Variants in RARB observed in about 807,000 individuals in gnomAD.
RARB encodes HBV-activated protein.
In RARB, 17 loss-of-function variants were observed where a neutral mutation model predicts 51.9. That is an observed-to-expected ratio of 0.33 (90% confidence interval 0.22 to 0.49). RARB has a LOEUF of 0.49. Ranked by LOEUF, RARB falls within the 20% of genes least tolerant of loss-of-function variation. RARB has a pLI of 0.99. For synonymous variants in RARB, 215 were observed against 195.4 expected (o/e 1.10, Z -0.84); for missense variants, 369 against 550.8 (o/e 0.67, Z 3.30).
intron 5 of RARB, among the ~76,000 whole-genome samples, chr3:25,344,265 A>C (rs78063326): frequency 0.042 from 6,356 of 152,172 alleles, 159 homozygotes; most frequent in Middle Eastern, 0.061. Context: ...CGTATGAAAA[A>C]ATTTGGTGCT....
chr3:24,993,487 C>A (rs768521366), intron 2 of RARB, among the ~76,000 whole-genome samples: 3 of 152,038 alleles, frequency 2.0e-5, no homozygotes, highest in Admixed American at 1.3e-4. Flanking sequence ...ACATATGAAT[C>A]ACATTAGCAT....
At chr3:25,015,984 A>G (rs1043568715) in intron 2 of RARB, among the ~76,000 whole-genome samples, 1 of 152,210 alleles carries the variant, frequency 6.6e-6, no homozygotes, top group Non-Finnish European at 1.5e-5. Flanking sequence ...AACATTGTAC[A>G]AAAACTTGGA....
rs146637687 is a variant in RARB, at chr3:25,350,923, A to G, written c.179-110270A>G. On this transcript the variant is annotated intron_variant, in intron 5 of 11. Coordinates refer to the RARB transcript ENST00000383772. ...ATGGTGTCATTGTTTGGAGGTGTCAATGGACATCAATCATGGGGTTAGAGG... is the reference window on the plus strand; with the variant it reads ...ATGGTGTCATTGTTTGGAGGTGTCAGTGGACATCAATCATGGGGTTAGAGG... 3.2e-4 allele frequency among the ~76,000 whole-genome samples: 48 copies of G among 152,266 alleles called. No homozygotes were observed. In the East Asian group the frequency reaches 4.8e-3, roughly 15 times the overall value.
intron 5 of RARB, among the ~76,000 whole-genome samples, chr3:25,265,304 AT>A (rs1332937370): frequency 6.6e-6 from 1 of 152,170 alleles, no homozygotes; most frequent in Non-Finnish European, 1.5e-5. Flanking sequence ...AAAAGTTACA[AT>A]TTTTCGGTAC....
intron 2 of RARB, among the ~76,000 whole-genome samples, chr3:24,891,126 C>G (rs1442145751): frequency 6.6e-6 from 1 of 152,058 alleles, no homozygotes; most frequent in Non-Finnish European, 1.5e-5. Flanking sequence ...AAATGAAATC[C>G]CAAATGTAAA....
At chr3:25,140,597 G>C (rs1370060468) in intron 4 of RARB, among the ~76,000 whole-genome samples, 2 of 152,148 alleles carry the variant, frequency 1.3e-5, no homozygotes, top group African/African-American at 4.8e-5. Flanking sequence ...GAACATTGTT[G>C]AAATGACAAC....
chr3:25,408,085 T>C (rs376590899), intron 5 of RARB, among the ~76,000 whole-genome samples: 22 of 152,126 alleles, frequency 1.4e-4, no homozygotes, highest in Admixed American at 6.6e-4. Context: ...CTCAAAACCT[T>C]GTCTCAATGT....
At chr3:25,457,537 A>G (rs187811320) in intron 1 of RARB, among the ~76,000 whole-genome samples, 4 of 152,364 alleles carry the variant, frequency 2.6e-5, no homozygotes, top group Admixed American at 1.3e-4. Flanking sequence ...TTCATTTGTT[A>G]TAAATGACTC....
chr3:25,103,862 C>A (rs987848927), intron 3 of RARB, among the ~76,000 whole-genome samples: 1 of 152,138 alleles, frequency 6.6e-6, no homozygotes, highest in African/African-American at 2.4e-5. Context: ...TGATAATCTC[C>A]TTCTGGTCAA....
intron 5 of RARB, among the ~76,000 whole-genome samples, chr3:25,176,963 G>A (rs1700767131): frequency 6.6e-6 from 1 of 152,112 alleles, no homozygotes. Context: ...GTAAATAGTG[G>A]CTGACTTTTT....
At chr3:25,355,959 A>T (rs1705721045) in intron 5 of RARB, among the ~76,000 whole-genome samples, 1 of 152,160 alleles carries the variant, frequency 6.6e-6, no homozygotes, top group Non-Finnish European at 1.5e-5. Flanking sequence ...CTTGGAAAAT[A>T]ACTTTTTTAT....
At chr3:25,002,725 CATATGT>C (rs1697188672) in intron 2 of RARB, among the ~76,000 whole-genome samples, 2 of 141,766 alleles carry the variant, frequency 1.4e-5, no homozygotes, top group African/African-American at 5.3e-5. Context: ...ATATGTGTCA[CATATGT>C]ATATAAAAGA....
chr3:25,302,549 A>C lies in RARB; in HGVS notation c.178+127974A>C, dbSNP rs371810078. Among the ~76,000 whole-genome samples, 12 of 152,368 alleles carry C rather than the reference A, an allele frequency of 7.9e-5. 1 individual carries two copies. The highest frequency in any genetic ancestry group is 2.4e-4 in the African/African-American group (10 of 41,600). ...ATGATCCCATTTAGATGCAATATTCAGAATAGGCTAATGTAACAGAAAGTA... is the reference window on the plus strand; with the variant it reads ...ATGATCCCATTTAGATGCAATATTCCGAATAGGCTAATGTAACAGAAAGTA... On this transcript the variant is annotated intron_variant, in intron 5 of 11. Transcript: ENST00000383772.
intron 3 of RARB, among the ~76,000 whole-genome samples, chr3:25,531,416 ATAGATAGAAGAT>A (rs1232730339): frequency 1.1e-4 from 16 of 147,100 alleles, no homozygotes; most frequent in African/African-American, 3.5e-4. Flanking sequence ...AGATAGATAG[ATAGATAGAAGAT>A]AGATAGATAC....
intron 5 of RARB, among the ~76,000 whole-genome samples, chr3:25,266,531 T>C (rs1352680412): frequency 6.6e-6 from 1 of 152,234 alleles, no homozygotes. Flanking sequence ...AAGTTTAAAA[T>C]TTTTATGCCC....
intron 5 of RARB, among the ~76,000 whole-genome samples, chr3:25,388,347 G>A (rs1432676129): frequency 6.6e-6 from 1 of 152,038 alleles, no homozygotes; most frequent in Non-Finnish European, 1.5e-5. Flanking sequence ...ATTAATTATG[G>A]TTATAAGACT....
chr3:24,988,459 A>G (rs1046865744), intron 2 of RARB, among the ~76,000 whole-genome samples: 28 of 152,340 alleles, frequency 1.8e-4, no homozygotes, highest in African/African-American at 5.5e-4. Context: ...AAAACATTAA[A>G]ATTAATCCAT....
At chr3:25,337,998 C>G (rs1000352000) in intron 5 of RARB, among the ~76,000 whole-genome samples, 2 of 151,976 alleles carry the variant, frequency 1.3e-5, no homozygotes, top group South Asian at 4.2e-4. Context: ...TCTCTACAAA[C>G]ATTCAACACT....
intron 2 of RARB, among the ~76,000 whole-genome samples, chr3:25,002,221 G>T (rs1167818167): frequency 6.6e-6 from 1 of 152,172 alleles, no homozygotes; most frequent in African/African-American, 2.4e-5. Context: ...GTGGTAAGGT[G>T]TGAAGACACA....
Sources: gnomAD v4.1 joint callset for allele counts (sites outside exome capture counted in the v4.1 genomes callset) on GRCh38, gnomAD v4.1.1 for gene constraint, MANE v1.5 for transcripts, NCBI Gene and HGNC (gene_info 2026-07-23, HGNC 2026-07-21) for gene names.